Variants in CPLX2 observed in about 807,000 individuals in gnomAD.
The protein encoded by CPLX2 is complexin 2.
A neutral mutation model predicts 16.3 loss-of-function variants in CPLX2; 5 were observed. That is an observed-to-expected ratio of 0.31 (90% confidence interval 0.16 to 0.64). The LOEUF (loss-of-function observed/expected upper bound fraction) is 0.64. Ranked by LOEUF, CPLX2 falls within the 30% of genes least tolerant of loss-of-function variation. The pLI, the probability that CPLX2 is intolerant of heterozygous loss-of-function variation, is 0.79. For missense variants in CPLX2, 144 were observed against 181.4 expected (o/e 0.79, Z 1.18); for synonymous variants, 89 against 73.2 (o/e 1.22, Z -1.10).
intron 1 of CPLX2, among the ~76,000 whole-genome samples, chr5:175,806,400 G>C (rs1227799037): frequency 1.3e-5 from 2 of 152,168 alleles, no homozygotes; most frequent in Non-Finnish European, 2.9e-5. Context: ...AGGTGATGAA[G>C]AGAGAGGCAC....
At chr5:175,827,085 A>C (rs1001299875) in intron 2 of CPLX2, among the ~76,000 whole-genome samples, 20 of 152,186 alleles carry the variant, frequency 1.3e-4, no homozygotes, top group African/African-American at 4.8e-4. Context: ...CAGCTGCAGC[A>C]ACAGGAGACT....
In CPLX2 at chr5:175,881,936, C is replaced by T. The variant is rs780902141; in HGVS notation, c.*1891C>T. ...GTGGGTTCTGCTTTTATTTCAGAGA[C>T]AGACATGTGTCTTCTCTGTCCGTTT... On this transcript the variant is annotated 3_prime_UTR_variant, in exon 4 of 4. Transcript: ENST00000393745. 2.0e-5 allele frequency: 3 copies of T among 152,716 alleles called. No individual in the cohort carries two copies. Among genetic ancestry groups the T allele is most frequent in the Non-Finnish European group, 4.4e-5 (3 of 68,070 alleles). The allele number at this position is 152,716 out of a possible 1,614,324, so 9.5% of individuals were successfully genotyped here.
In CPLX2 at chr5:175,804,979, T is replaced by C. The variant is rs148285775; in HGVS notation, c.-168-4010T>C. 6.9e-3 allele frequency among the ~76,000 whole-genome samples: 1,047 copies of C among 152,334 alleles called. 17 individuals carry two copies. Among genetic ancestry groups the C allele is most frequent in the African/African-American group, 0.024 (1,003 of 41,576 alleles). Reference sequence around the variant, plus strand: ...TTAACTGTATGAGCCCTCCATTTTGTTCACATGTAAAATGGGGATAATAAT... The same window carrying C: ...TTAACTGTATGAGCCCTCCATTTTGCTCACATGTAAAATGGGGATAATAAT... On this transcript the variant is annotated intron_variant, in intron 1 of 4. Coordinates refer to the CPLX2 transcript ENST00000359546.
chr5:175,818,811 G>A (rs1370934368), intron 2 of CPLX2, among the ~76,000 whole-genome samples: 4 of 151,906 alleles, frequency 2.6e-5, no homozygotes, highest in East Asian at 1.9e-4. Context: ...ACAGGCATGC[G>A]CCACTATGCC....
At chr5:175,870,264 G>T (rs1168863865), upstream of CPLX2, among the ~76,000 whole-genome samples, 3 of 152,236 alleles carry the variant, frequency 2.0e-5, no homozygotes, top group Non-Finnish European at 4.4e-5. Context: ...TTCAGAAGGT[G>T]ATTCTCCAGG....
At chr5:175,802,962 G>A (rs1310468873) in intron 1 of CPLX2, among the ~76,000 whole-genome samples, 1 of 152,034 alleles carries the variant, frequency 6.6e-6, no homozygotes, top group Non-Finnish European at 1.5e-5. Context: ...CTCCAGAGTA[G>A]CTGGGATTAC....
At chr5:175,802,813 T>G (rs888334443) in intron 1 of CPLX2, among the ~76,000 whole-genome samples, 4 of 152,116 alleles carry the variant, frequency 2.6e-5, no homozygotes, top group Non-Finnish European at 5.9e-5. Context: ...TGTGCTTCCT[T>G]CCTTCCTTTC....
intron 1 of CPLX2, among the ~76,000 whole-genome samples, chr5:175,875,980 G>A (rs1020050135): frequency 6.6e-6 from 1 of 152,086 alleles, no homozygotes; most frequent in Non-Finnish European, 1.5e-5. Flanking sequence ...ATGCTGGCAA[G>A]CAGAGGTGGC....
intron 2 of CPLX2, among the ~76,000 whole-genome samples, chr5:175,835,932 T>C (rs1328206077): frequency 6.6e-6 from 1 of 150,844 alleles, no homozygotes; most frequent in Non-Finnish European, 1.5e-5. Flanking sequence ...AGAGATGGGG[T>C]TTCCCCATGT....
Position 175,881,492 on chromosome 5 carries a change from G to T in CPLX2, c.*1447G>T, listed in dbSNP as rs535712725. On this transcript the variant is annotated 3_prime_UTR_variant, in exon 4 of 4. Coordinates refer to ENST00000393745, the MANE Select transcript of CPLX2 (RefSeq NM_001008220.2). ...ACAGTGTGTGTATTGGGAGTGATGGGTATGTGTTAGGTATGTGATGGGTTG... is the reference window on the plus strand; with the variant it reads ...ACAGTGTGTGTATTGGGAGTGATGGTTATGTGTTAGGTATGTGATGGGTTG... 1.3e-5 allele frequency: 2 copies of T among 153,362 alleles called. No individual in the cohort carries two copies. Among genetic ancestry groups the T allele is most frequent in the South Asian group, 4.1e-4 (2 of 4,824 alleles). The allele number at this position is 153,362 out of a possible 1,614,324, so 9.5% of individuals were successfully genotyped here.
At chr5:175,868,650 A>G (rs1405520560), upstream of CPLX2, among the ~76,000 whole-genome samples, 1 of 151,392 alleles carries the variant, frequency 6.6e-6, no homozygotes, top group Non-Finnish European at 1.5e-5. Flanking sequence ...AATGCTGGCA[A>G]CCCACATGAC....
At chr5:175,834,281 C>T (rs748553505) in intron 2 of CPLX2, among the ~76,000 whole-genome samples, 3 of 152,204 alleles carry the variant, frequency 2.0e-5, no homozygotes, top group Non-Finnish European at 2.9e-5. Flanking sequence ...TGCTCAGAAA[C>T]GGTCCAGAGA....
intron 2 of CPLX2, among the ~76,000 whole-genome samples, chr5:175,859,348 A>G (rs1379363824): frequency 6.6e-6 from 1 of 152,262 alleles, no homozygotes; most frequent in African/African-American, 2.4e-5. Context: ...GAAAGAGGCC[A>G]GATAAAGAAC....
intron 2 of CPLX2, among the ~76,000 whole-genome samples, chr5:175,852,203 G>C (rs904742571): frequency 6.6e-6 from 1 of 152,192 alleles, no homozygotes; most frequent in Non-Finnish European, 1.5e-5. Flanking sequence ...AGGTGGTTAC[G>C]AATAATAAAA....
intron 1 of CPLX2, among the ~76,000 whole-genome samples, chr5:175,876,129 G>A (rs1759750980): frequency 6.6e-6 from 1 of 152,144 alleles, no homozygotes; most frequent in African/African-American, 2.4e-5. Flanking sequence ...ACGCATGTGT[G>A]CATATACCCC....
intron 2 of CPLX2, among the ~76,000 whole-genome samples, chr5:175,848,965 G>C (rs1189009586): frequency 6.6e-6 from 1 of 152,206 alleles, no homozygotes. Context: ...AGAGGAGACG[G>C]CTCAGTTTGC....
intron 2 of CPLX2, among the ~76,000 whole-genome samples, chr5:175,862,567 A>C (rs909544651): frequency 6.6e-6 from 1 of 152,244 alleles, no homozygotes; most frequent in African/African-American, 2.4e-5. Flanking sequence ...GGCTACTATG[A>C]GACTGCAGAA....
chr5:175,822,845 T>C (rs1209940348), intron 2 of CPLX2, among the ~76,000 whole-genome samples: 3 of 152,232 alleles, frequency 2.0e-5, no homozygotes, highest in Non-Finnish European at 4.4e-5. Flanking sequence ...ACGGACCCGT[T>C]AATGATGGGA....
chr5:175,880,389 C>T lies in CPLX2; in HGVS notation c.*344C>T. On this transcript the variant is annotated 3_prime_UTR_variant, in exon 4 of 4. Transcript: ENST00000393745. ...CAGGAGGACCACTGTCCCCAGCCAG[C>T]CAAAGTAATGACACATTCCAGCCCT... 2.6e-6 allele frequency: 1 copy of T among 387,940 alleles called. No individual in the cohort carries two copies. Among genetic ancestry groups the T allele is most frequent in the Non-Finnish European group, 5.0e-6 (1 of 201,826 alleles). 24.0% of individuals were successfully genotyped at this position (387,940 alleles called of 1,614,324 possible).
Sources: allele counts gnomAD v4.1 joint callset (sites outside exome capture counted in the v4.1 genomes callset), GRCh38; gene constraint gnomAD v4.1.1; transcripts MANE v1.5; gene names NCBI Gene and HGNC (gene_info 2026-07-23, HGNC 2026-07-21).